AMPD3: variants seen among roughly 807,000 people sequenced by gnomAD.
AMPD3 encodes the protein AMP deaminase 3.
AMPD3 carries 57 observed loss-of-function variants against 82.3 expected under a neutral mutation model. The observed-to-expected ratio is 0.69, with a 90% CI of 0.56 to 0.86. The LOEUF is 0.86. Ranked by LOEUF, AMPD3 falls within the 40% of genes least tolerant of loss-of-function variation. The probability of loss-of-function intolerance (pLI) is 0.00; values close to 1 mark genes in which losing one functional copy is unlikely to be tolerated. For missense variants in AMPD3, 870 were observed against 1,003.8 expected (o/e 0.87, Z 1.80); for synonymous variants, 381 against 394.7 (o/e 0.97, Z 0.41).
At chr11:10,469,308 C>T (rs964426575) in intron 2 of AMPD3, among the ~76,000 whole-genome samples, 18 of 151,522 alleles carry the variant, frequency 1.2e-4, no homozygotes, top group Middle Eastern at 3.2e-3. Flanking sequence ...AAATAATAAA[C>T]GGGGTATCAC....
Position 10,507,473 on chromosome 11 carries a change from A to C in AMPD3, c.*1589A>C, listed in dbSNP as rs1849740168. ...GATTAGTTTTGAAAAGCCCCCGTTT[A>C]TATACATTTGCCCTAACATAGGAAG... On this transcript the variant is annotated 3_prime_UTR_variant, in exon 15 of 15. Transcript: ENST00000396553. 6.6e-6 allele frequency: 1 copy of C among 152,054 alleles called. No individual in the cohort carries two copies. The highest frequency in any genetic ancestry group is 1.5e-5 in the Non-Finnish European group (1 of 68,068). 9.4% of individuals were successfully genotyped at this position (152,054 alleles called of 1,614,324 possible).
chr11:10,480,914 C>T (rs1848885844), intron 3 of AMPD3, among the ~76,000 whole-genome samples: 3 of 152,174 alleles, frequency 2.0e-5, no homozygotes, highest in Admixed American at 1.3e-4. Context: ...TCTCCCCAAG[C>T]ATATTTCTGC....
At chr11:10,473,392 G>A (rs1848649052) in intron 2 of AMPD3, 3 of 985,276 alleles carry the variant, frequency 3.0e-6, no homozygotes, top group Non-Finnish European at 3.6e-6. Flanking sequence ...AGCTGGGAAG[G>A]ATTGAGGAAG....
chr11:10,473,807 G>A (rs191216002), intron 2 of AMPD3, among the ~76,000 whole-genome samples: 4 of 152,316 alleles, frequency 2.6e-5, no homozygotes, highest in Admixed American at 2.6e-4. Context: ...CAGGGGCAGC[G>A]TGAGCAGCAG....
At position 10,486,632 on chromosome 11, in the gene AMPD3, C is replaced by T. The variant is rs139685309; in HGVS notation, c.810-603C>T. 5.8e-5 allele frequency: 57 copies of T among 985,394 alleles called. No individual in the cohort carries two copies. In the African/African-American group the frequency reaches 9.1e-4, roughly 16 times the overall value. 61.0% of individuals were successfully genotyped at this position (985,394 alleles called of 1,614,324 possible). On this transcript the variant is annotated intron_variant, in intron 5 of 14. Coordinates refer to ENST00000396553, the MANE Select transcript of AMPD3 (RefSeq NM_001025389.2). ...ATGATGCAAAATATCCTCCTCTTGTCGTGAAGCCTCAGAGTTGAGAGATCC... is the reference window on the plus strand; with the variant it reads ...ATGATGCAAAATATCCTCCTCTTGTTGTGAAGCCTCAGAGTTGAGAGATCC...
At chr11:10,485,366 C>T (rs192135141) in intron 5 of AMPD3, among the ~76,000 whole-genome samples, 5 of 152,224 alleles carry the variant, frequency 3.3e-5, no homozygotes, top group Non-Finnish European at 4.4e-5. Flanking sequence ...CTTGCCTCAG[C>T]GTCCTGAGTA....
upstream of AMPD3, among the ~76,000 whole-genome samples, chr11:10,452,184 G>A (rs1847979769): frequency 6.7e-6 from 1 of 149,216 alleles, no homozygotes; most frequent in African/African-American, 2.5e-5. Flanking sequence ...TTTTGTAGTT[G>A]TTTTTTTTTG....
At chr11:10,472,785 C>T (rs1484201373) in intron 2 of AMPD3, among the ~76,000 whole-genome samples, 2 of 152,082 alleles carry the variant, frequency 1.3e-5, no homozygotes, top group Non-Finnish European at 2.9e-5. Flanking sequence ...GGGTGGATCA[C>T]CTGAAGTCAG....
intron 6 of AMPD3, among the ~76,000 whole-genome samples, chr11:10,490,278 T>A (rs1426898003): frequency 6.6e-6 from 1 of 152,186 alleles, no homozygotes; most frequent in Admixed American, 6.5e-5. Flanking sequence ...GAGCTGAGTG[T>A]GTTTGCTGCT....
At chr11:10,494,761 A>G in intron 7 of AMPD3, 138 bp from the exon 8 acceptor site, 3 of 1,558,854 alleles carry the variant, frequency 1.9e-6, no homozygotes, top group Non-Finnish European at 2.6e-6. Flanking sequence ...AGGAGTTTCT[A>G]AGGTTTCATG....
rs773510080 is a variant in AMPD3, at chr11:10,478,706, C to T, written c.402C>T (p.Thr134=). 27 of 1,613,644 alleles carry T rather than the reference C, an allele frequency of 1.7e-5. No individual in the cohort carries two copies. The South Asian group carries it at 3.0e-4, about 18-fold the overall frequency. Residue 134 remains threonine (T), a synonymous_variant, in exon 3 of 15, where the codon ACC becomes ACT. Coordinates refer to ENST00000396553, the MANE Select transcript of AMPD3 (RefSeq NM_001025389.2). The part of the protein sequence containing the change: ...PYAMPEFQRV[T]ISGDYCAGIT... ...CCATGCCTGAGTTCCAGCGGGTCACCATCAGCGGAGATTACTGTGCCGGGG... is the reference window on the plus strand; with the variant it reads ...CCATGCCTGAGTTCCAGCGGGTCACTATCAGCGGAGATTACTGTGCCGGGG...
rs553990656 is a variant in AMPD3 at position 10,473,491 on chromosome 11, G to A, written c.222-5035G>A. On this transcript the variant is annotated intron_variant, in intron 2 of 14. Transcript: ENST00000396553. ...GGAAGGGAGGATGGAGAAAGAAGGGGCAGGTTTCCAGAGGAGCTCAGGGAG... is the reference window on the plus strand; with the variant it reads ...GGAAGGGAGGATGGAGAAAGAAGGGACAGGTTTCCAGAGGAGCTCAGGGAG... 4.4e-4 allele frequency: 435 copies of A among 985,072 alleles called. 1 individual carries two copies. The highest frequency in any genetic ancestry group is 5.2e-4 in the Middle Eastern group (1 of 1,936). 61.0% of individuals were successfully genotyped at this position (985,072 alleles called of 1,614,324 possible).
intron 6 of AMPD3, among the ~76,000 whole-genome samples, chr11:10,492,725 G>A (rs1007644532): frequency 2.6e-5 from 4 of 152,150 alleles, no homozygotes; most frequent in African/African-American, 9.7e-5. Flanking sequence ...TAGAGTGATC[G>A]GGACGGTCTG....
intron 7 of AMPD3, 115 bp downstream of exon 7, chr11:10,493,658 C>CTCT: frequency 8.5e-7 from 1 of 1,177,854 alleles, no homozygotes; most frequent in Non-Finnish European, 1.2e-6. Flanking sequence ...AAGCAGCTTT[C>CTCT]TCTTCTATCT....
In AMPD3 at chr11:10,456,352, G is replaced by A; in HGVS notation, c.-6+904G>A. 1 of 1,613,438 alleles carries A rather than the reference G, an allele frequency of 6.2e-7. No homozygotes were observed. The highest frequency in any genetic ancestry group is 8.5e-7 in the Non-Finnish European group (1 of 1,179,520). On this transcript the variant is annotated intron_variant, in intron 1 of 14. Coordinates refer to ENST00000396553, the MANE Select transcript of AMPD3 (RefSeq NM_001025389.2). This position sits in a 1 kb window ranked among gnomAD's most constrained non-coding sequence, Gnocchi z 4.3. ...TGGGTGGCAGGCAGCACCTCACCCGGGTGCATCACTTGAGTGGCATCTTCA... is the reference window on the plus strand; with the variant it reads ...TGGGTGGCAGGCAGCACCTCACCCGAGTGCATCACTTGAGTGGCATCTTCA...
intron 6 of AMPD3, 72 bp downstream of exon 6, chr11:10,487,436 G>A: frequency 3.7e-6 from 6 of 1,605,288 alleles, no homozygotes; most frequent in African/African-American, 1.3e-5. Context: ...CCCTGAGCCA[G>A]TCTGAGGCTT....
chr11:10,493,466 A>C lies in AMPD3; in HGVS notation c.1057A>C (p.Ile353Leu), dbSNP rs185472192. ...TGTGGCAGAGAAGCGGGGCCGGAAG[A>C]TCACCCTGCGGCAGGTGTTTGACGG... The part of the protein sequence containing the change: ...RTVAEKRGRK[I>L]TLRQVFDGLH... Residue 353 changes from isoleucine (I) to leucine (L), a missense_variant, in exon 7 of 15, where the codon ATC (isoleucine) becomes CTC (leucine). Transcript: ENST00000396553. 4 of 1,614,216 alleles carry C rather than the reference A, an allele frequency of 2.5e-6. No homozygotes were observed. In the East Asian group the frequency reaches 8.9e-5, roughly 36 times the overall value.
rs191917076 is a variant in AMPD3 at position 10,471,448 on chromosome 11, G to C, written c.222-7078G>C. 2.8e-3 allele frequency among the ~76,000 whole-genome samples: 420 copies of C among 152,218 alleles called. 1 individual carries two copies. The highest frequency in any genetic ancestry group is 9.4e-3 in the African/African-American group (389 of 41,530). On this transcript the variant is annotated intron_variant, in intron 2 of 14. Coordinates refer to ENST00000396553, the MANE Select transcript of AMPD3 (RefSeq NM_001025389.2). ...CCATGGCAACAAAAGCCAAAATTGA[G>C]AAATGGGATCTAATTAAACTAAAGA...
intron 1 of AMPD3, among the ~76,000 whole-genome samples, chr11:10,455,763 AT>A (rs1848074053): frequency 6.6e-6 from 1 of 152,062 alleles, no homozygotes; most frequent in South Asian, 2.1e-4. Context: ...AGGGGATTGT[AT>A]TAGCAACTGG....
Sources: gnomAD v4.1 joint callset for allele counts (sites outside exome capture counted in the v4.1 genomes callset) on GRCh38, gnomAD v4.1.1 for gene constraint, Gnocchi (gnomAD v3.1) non-coding constraint, MANE v1.5 for transcripts, NCBI Gene and HGNC (gene_info 2026-07-23, HGNC 2026-07-21) for gene names.